PPIP5K2: variants seen among roughly 807,000 people sequenced by gnomAD.
The protein encoded by PPIP5K2 is diphosphoinositol pentakisphosphate kinase 2.
A neutral mutation model predicts 154.6 loss-of-function variants in PPIP5K2; 105 were observed. The ratio of observed to expected loss-of-function variants is 0.68; its 90% CI spans 0.58 to 0.80. The LOEUF (loss-of-function observed/expected upper bound fraction) is 0.80. Among genes scored for constraint, PPIP5K2 ranks in the 30% least tolerant of loss-of-function variants. The probability of loss-of-function intolerance (pLI) is 0.00; values close to 1 mark genes in which losing one functional copy is unlikely to be tolerated. For missense variants in PPIP5K2, 992 were observed against 1,504.6 expected (o/e 0.66, Z 5.64); for synonymous variants, 480 against 490.3 (o/e 0.98, Z 0.28).
chr5:103,193,837 G>T (rs571602412), intron 29 of PPIP5K2, among the ~76,000 whole-genome samples: 16 of 152,228 alleles, frequency 1.1e-4, no homozygotes, highest in African/African-American at 3.9e-4. Flanking sequence ...GCTCATGCCA[G>T]TAGTGTCTCC....
At chr5:103,189,974 G>A (rs1396669035) in intron 28 of PPIP5K2, among the ~76,000 whole-genome samples, 2 of 151,980 alleles carry the variant, frequency 1.3e-5, no homozygotes, top group Admixed American at 6.6e-5. Context: ...AGAAAGACTC[G>A]TTATTTTTAA....
Position 103,157,985 on chromosome 5 carries a change from G to A in PPIP5K2, c.1490-203G>A, listed in dbSNP as rs116327203. On this transcript the variant is annotated intron_variant, in intron 14 of 30. Coordinates refer to ENST00000358359, the MANE Select transcript of PPIP5K2 (RefSeq NM_001276277.3). ...TCAAATTTCAGTAAGATTTAAACAG[G>A]TATAGCAAGGGAGTATTCCTTACAG... 5.3e-3 allele frequency among the ~76,000 whole-genome samples: 803 copies of A among 152,216 alleles called. 7 individuals are homozygous for A. Among genetic ancestry groups the A allele is most frequent in the African/African-American group, 0.017 (715 of 41,518 alleles).
rs1803787893 is a variant in PPIP5K2, at chr5:103,211,155, G to A, written c.*9521G>A. 6.6e-6 allele frequency: 1 copy of A among 152,048 alleles called. No individual in the cohort carries two copies. Among genetic ancestry groups the A allele is most frequent in the African/African-American group, 2.4e-5 (1 of 41,416 alleles). The allele number at this position is 152,048 out of a possible 1,614,324, so 9.4% of individuals were successfully genotyped here. A position where few individuals can be genotyped will look rare whatever the true frequency, so the allele number is the denominator to read the frequency against. On this transcript the variant is annotated 3_prime_UTR_variant, in exon 31 of 31. Coordinates refer to ENST00000358359, the MANE Select transcript of PPIP5K2 (RefSeq NM_001276277.3). ...TCTGGGTTCTGACCTATCTCTTACAGTCCATAATGTTGTGATTCTAAGAAT... is the reference window on the plus strand; with the variant it reads ...TCTGGGTTCTGACCTATCTCTTACAATCCATAATGTTGTGATTCTAAGAAT...
chr5:103,191,407 T>G (rs1801215293), intron 29 of PPIP5K2, among the ~76,000 whole-genome samples: 1 of 152,076 alleles, frequency 6.6e-6, no homozygotes, highest in African/African-American at 2.4e-5. Flanking sequence ...GAAAGAGCTT[T>G]TAACTAAAGA....
In PPIP5K2 at chr5:103,129,841, C is replaced by T. The variant is rs983020046; in HGVS notation, c.114+138C>T. 7 of 1,185,220 alleles carry T rather than the reference C, an allele frequency of 5.9e-6. No homozygotes were observed. In the African/African-American group the frequency reaches 1.1e-4, roughly 19 times the overall value. The allele number at this position is 1,185,220 out of a possible 1,614,324, so 73.4% of individuals were successfully genotyped here. On this transcript the variant is annotated intron_variant, in intron 2 of 30. Transcript: ENST00000358359. Reference sequence around the variant, plus strand: ...TGTTTCATGACTGATGTTGTTGAATCTATGATGAATCAATAAATACAGTTA... The same window carrying T: ...TGTTTCATGACTGATGTTGTTGAATTTATGATGAATCAATAAATACAGTTA...
chr5:103,155,994 G>C lies in PPIP5K2; in HGVS notation c.1489G>C (p.Asp497His). 6.4e-7 allele frequency: 1 copy of C among 1,562,424 alleles called. No homozygotes were observed. Among genetic ancestry groups the C allele is most frequent in the South Asian group, 1.1e-5 (1 of 89,846 alleles). Residue 497 changes from aspartate to histidine, a missense_variant and splice_region_variant, in exon 14 of 31, where the codon GAC becomes CAC. Physicochemically the swap from Asp to His is moderately conservative, Grantham distance 81. This residue lies in a region of PPIP5K2 where 163 missense variants were observed against 285.2 expected (regional missense o/e 0.57). Transcript: ENST00000358359. The part of the protein sequence containing the change: ...GCPKTSSEEE[D>H]SRREEPSLLL... ...TCCTAAAACATCTAGTGAAGAGGAG[G>C]GTATGTTATTCTTAATGCTTATACA...
Position 103,129,685 on chromosome 5 carries a change from T to C in PPIP5K2, c.96T>C (p.Asp32=), listed in dbSNP as rs377753343. 3 of 1,606,628 alleles carry C rather than the reference T, an allele frequency of 1.9e-6. No individual in the cohort carries two copies. The highest frequency in any genetic ancestry group is 1.3e-5 in the African/African-American group (1 of 74,530). Residue 32 remains aspartate, a synonymous_variant, in exon 2 of 31, where the codon GAT becomes GAC. Coordinates refer to ENST00000358359, the MANE Select transcript of PPIP5K2 (RefSeq NM_001276277.3). ...RHFFHHADED[D]EEEDDSPPER... ...TCTTCCACCATGCAGATGAAGACGA[T>C]GAGGAGGAAGATGATTCTGTAAGTT...
chr5:103,129,117 G>C (rs1410864247), intron 1 of PPIP5K2, among the ~76,000 whole-genome samples, 189 bp from the exon 2 acceptor site: 1 of 152,028 alleles, frequency 6.6e-6, no homozygotes, highest in Non-Finnish European at 1.5e-5. Context: ...TATTACTGAA[G>C]ATCAGTTTTA....
intron 19 of PPIP5K2, among the ~76,000 whole-genome samples, chr5:103,169,202 A>C (rs1797578727): frequency 6.6e-6 from 1 of 151,836 alleles, no homozygotes; most frequent in African/African-American, 2.4e-5. Flanking sequence ...TATTGAGATC[A>C]GGACTATGTT....
In PPIP5K2 at chr5:103,141,470, T is replaced by TA. The variant is rs1307116760; in HGVS notation, c.487+3002dup. ...AGCTGCAGATCTTCGCGGTGAGTGT[T>TA]ACAGCTCGGGCAGCCTGCTTTTATT... is the stretch of plus-strand genomic sequence containing the variant. On this transcript the variant is annotated intron_variant, in intron 5 of 30. Transcript: ENST00000358359. Among the ~76,000 whole-genome samples, 6 of 152,298 alleles carry TA rather than the reference T, an allele frequency of 3.9e-5. No individual in the cohort carries two copies. The South Asian group carries it at 8.3e-4, about 21-fold the overall frequency.
intron 1 of PPIP5K2, among the ~76,000 whole-genome samples, chr5:103,123,361 T>C (rs899843778): frequency 4.6e-5 from 7 of 152,300 alleles, no homozygotes; most frequent in African/African-American, 1.4e-4. Context: ...ATTGTTCTCA[T>C]AGTGTGATTC....
chr5:103,193,076 T>C (rs1365493607), intron 29 of PPIP5K2, among the ~76,000 whole-genome samples: 2 of 152,120 alleles, frequency 1.3e-5, no homozygotes, highest in African/African-American at 4.8e-5. Context: ...TATTTAAGAT[T>C]TCACTTAAGA....
chr5:103,186,511 G>A, intron 27 of PPIP5K2, 72 bp downstream of exon 27: 2 of 1,588,328 alleles, frequency 1.3e-6, no homozygotes, highest in East Asian at 2.3e-5. Context: ...ATTTCTCAAA[G>A]GCAAATCTAA....
chr5:103,176,934 T>G (rs577913937), intron 21 of PPIP5K2: 1 of 1,434,588 alleles, frequency 7.0e-7, no homozygotes, highest in East Asian at 2.5e-5. Context: ...AATTTACATA[T>G]GCCTCCTTCT....
intron 14 of PPIP5K2, 152 bp downstream of exon 14, chr5:103,156,146 C>A (rs917192997): frequency 1.8e-6 from 1 of 554,640 alleles, no homozygotes; most frequent in Non-Finnish European, 3.2e-6. Context: ...GCTTCCTTTT[C>A]TTTAAATAAA....
intron 1 of PPIP5K2, among the ~76,000 whole-genome samples, chr5:103,122,389 T>A (rs1414579131): frequency 6.6e-6 from 1 of 152,172 alleles, no homozygotes; most frequent in African/African-American, 2.4e-5. Context: ...TTCAGTTGGT[T>A]TTTGAATGGC....
At chr5:103,141,979 A>G (rs911660694) in intron 5 of PPIP5K2, among the ~76,000 whole-genome samples, 39 of 152,290 alleles carry the variant, frequency 2.6e-4, no homozygotes, top group African/African-American at 8.2e-4. Flanking sequence ...CACCCAGTGG[A>G]TCCCGCACCA....
Position 103,194,921 on chromosome 5 carries a change from G to T in PPIP5K2, c.3515G>T (p.Ser1172Ile). The T allele has an allele frequency of 6.2e-7, 1 of 1,612,652 alleles. No homozygotes were observed. ...AEISSTALRS[S>I]PIMRKKVSLN... ...TCAGCCTCTACAGCTTTACGTTCCA[G>T]TCCAATAATGAGAAAAAAAGTATCT... The change falls in exon 30 of 31, where the codon AGT becomes ATT. Residue 1172 changes from serine (S) to isoleucine (I), a missense_variant. By Grantham distance (142) the Ser-to-Ile change is moderately radical. Around this residue, in one of 9 missense-constraint regions of PPIP5K2, gnomAD observed 131 missense variants for 117.8 expected, o/e 1.11. Coordinates refer to ENST00000358359, the MANE Select transcript of PPIP5K2 (RefSeq NM_001276277.3).
In PPIP5K2 at chr5:103,212,535, A is replaced by G. The variant is rs1167534704; in HGVS notation, c.*10901A>G. The G allele has an allele frequency of 6.6e-6, 1 of 152,136 alleles. No individual in the cohort carries two copies. The highest frequency in any genetic ancestry group is 1.5e-5 in the Non-Finnish European group (1 of 67,974). The allele number at this position is 152,136 out of a possible 1,614,324, so 9.4% of individuals were successfully genotyped here. The stretch of plus-strand genomic sequence containing the variant: ...TGTGCCTGGGCTGGCCTTTAATGGA[A>G]GGCTTTAATTTAGGGAACTTAAAGA... On this transcript the variant is annotated 3_prime_UTR_variant, in exon 31 of 31. Coordinates refer to ENST00000358359, the MANE Select transcript of PPIP5K2 (RefSeq NM_001276277.3).
Sources: allele counts gnomAD v4.1 joint callset (sites outside exome capture counted in the v4.1 genomes callset), GRCh38; gene constraint gnomAD v4.1.1; regional missense constraint gnomAD v4.1.1; transcripts MANE v1.5; gene names NCBI Gene and HGNC (gene_info 2026-07-23, HGNC 2026-07-21).